MAD1L1: variants seen among roughly 807,000 people sequenced by gnomAD.
MAD1L1 encodes mitotic arrest deficient 1 like 1.
Under a neutral mutation model 96.9 loss-of-function variants are expected in MAD1L1, and 95 were observed. That is an observed-to-expected ratio of 0.98 (90% CI 0.83 to 1.16). MAD1L1 has a LOEUF of 1.16. Ranked by LOEUF, MAD1L1 falls within the 50% of genes most tolerant of loss-of-function variation. The pLI is 0.00. For synonymous variants in MAD1L1, 473 were observed against 396.6 expected, an observed-to-expected ratio of 1.19 and a Z score of -2.29; for missense variants, 1,007 against 954.4, an observed-to-expected ratio of 1.06 and a Z score of -0.73.
intron 15 of MAD1L1, among the ~76,000 whole-genome samples, chr7:1,964,527 G>T (rs1428020465): frequency 6.6e-6 from 1 of 152,224 alleles, no homozygotes; most frequent in Non-Finnish European, 1.5e-5. Flanking sequence ...GAATAAACAA[G>T]TTGGGGGGAT....
intron 17 of MAD1L1, among the ~76,000 whole-genome samples, chr7:1,904,138 G>A (rs142237080): frequency 0.14 from 18,925 of 134,676 alleles, 1,440 homozygotes; most frequent in South Asian, 0.26. Context: ...TCCAGGCAGC[G>A]AGGACGCAGT....
At chr7:1,993,159 C>T (rs1393599251) in intron 14 of MAD1L1, among the ~76,000 whole-genome samples, 2 of 152,216 alleles carry the variant, frequency 1.3e-5, no homozygotes, top group Non-Finnish European at 2.9e-5. Flanking sequence ...TCCTCATCCC[C>T]GCCCCCAACG....
intron 18 of MAD1L1, among the ~76,000 whole-genome samples, chr7:1,844,501 C>G (rs1028630659): frequency 6.6e-6 from 1 of 152,150 alleles, no homozygotes; most frequent in Non-Finnish European, 1.5e-5. Context: ...GAGCTTGACA[C>G]GGAGCCCTGC....
chr7:1,901,977 G>GCC (rs1787273895), intron 17 of MAD1L1, among the ~76,000 whole-genome samples: 2 of 152,222 alleles, frequency 1.3e-5, no homozygotes, highest in African/African-American at 2.4e-5. Flanking sequence ...AGGGACACAG[G>GCC]CCTGGTACTG....
At chr7:2,093,817 G>A (rs1191906237) in intron 11 of MAD1L1, among the ~76,000 whole-genome samples, 8 of 152,210 alleles carry the variant, frequency 5.3e-5, no homozygotes, top group African/African-American at 1.9e-4. Flanking sequence ...GCGGAACCCA[G>A]GAACGCAGAC....
At position 2,088,340 on chromosome 7, in the gene MAD1L1, C is replaced by A. The variant is rs1344745314; in HGVS notation, c.1074-19002G>T. On this transcript the variant is annotated intron_variant, in intron 11 of 18. Coordinates refer to ENST00000265854, the MANE Select transcript of MAD1L1 (RefSeq NM_001013836.2). This position sits in a 1 kb window ranked among gnomAD's most constrained non-coding sequence, Gnocchi z 4.4. Reference sequence around the variant, plus strand: ...TTACCAGCACGGTGGTCTCGTGCTACCCTGGTTCCGTGTCGGCGCCAGCCC... The same window carrying A: ...TTACCAGCACGGTGGTCTCGTGCTAACCTGGTTCCGTGTCGGCGCCAGCCC... Among the ~76,000 whole-genome samples the A allele has an allele frequency of 6.6e-6, 1 of 152,266 alleles. No homozygotes were observed. The highest frequency in any genetic ancestry group is 1.9e-4 in the East Asian group (1 of 5,176).
At position 1,895,851 on chromosome 7, in the gene MAD1L1, A is replaced by AAGGTC. The variant is rs1481907622; in HGVS notation, c.1998+2344_1998+2348dup. 2.6e-5 allele frequency among the ~76,000 whole-genome samples: 4 copies of AAGGTC among 152,360 alleles called. No homozygotes were observed. The East Asian group carries it at 7.7e-4, about 29-fold the overall frequency. ...TGGGCCAGGACAGGCCGTGGTCCAG[A>AAGGTC]AGGTCAGGTCAGGCCAGGCCTGCCA... On this transcript the variant is annotated intron_variant, in intron 18 of 18. Transcript: ENST00000265854.
At chr7:2,068,887 G>A (rs1033625982) in intron 12 of MAD1L1, among the ~76,000 whole-genome samples, 1 of 152,206 alleles carries the variant, frequency 6.6e-6, no homozygotes, top group Non-Finnish European at 1.5e-5. Flanking sequence ...AGGCACGTGG[G>A]AGCCTGCAGG....
chr7:2,170,062 G>A (rs184910693), intron 10 of MAD1L1, among the ~76,000 whole-genome samples: 3 of 152,276 alleles, frequency 2.0e-5, no homozygotes, highest in East Asian at 1.9e-4. Context: ...CCCTCAGGTC[G>A]TCCCTTCCAC....
intron 6 of MAD1L1, among the ~76,000 whole-genome samples, chr7:2,218,613 C>T (rs1022851481): frequency 6.6e-6 from 1 of 152,194 alleles, no homozygotes; most frequent in Non-Finnish European, 1.5e-5. Flanking sequence ...GCTGCCCTTT[C>T]AACCTAGCCC....
chr7:2,004,540 G>C (rs768214521), intron 13 of MAD1L1, among the ~76,000 whole-genome samples: 1 of 152,322 alleles, frequency 6.6e-6, no homozygotes, highest in South Asian at 2.1e-4. Flanking sequence ...AGCTGTGCGC[G>C]AGGCCCGGAC....
intron 18 of MAD1L1, among the ~76,000 whole-genome samples, chr7:1,867,929 G>A (rs1020231321): frequency 6.6e-5 from 10 of 152,212 alleles, no homozygotes; most frequent in Non-Finnish European, 8.8e-5. Flanking sequence ...GTCTGTGCTC[G>A]CTTCTCCCGT....
At chr7:2,006,953 C>T (rs1015835689) in intron 13 of MAD1L1, among the ~76,000 whole-genome samples, 6 of 152,254 alleles carry the variant, frequency 3.9e-5, no homozygotes, top group African/African-American at 1.4e-4. Flanking sequence ...CGAGGGAGGG[C>T]AGGCAGCTCA....
chr7:2,004,859 C>T (rs1355186020), intron 13 of MAD1L1, among the ~76,000 whole-genome samples: 1 of 152,254 alleles, frequency 6.6e-6, no homozygotes, highest in Non-Finnish European at 1.5e-5. Flanking sequence ...CTGGAAAAAA[C>T]AGAACGCATG....
At chr7:1,933,224 G>T (rs1475198586) in intron 17 of MAD1L1, among the ~76,000 whole-genome samples, 1 of 152,190 alleles carries the variant, frequency 6.6e-6, no homozygotes, top group Admixed American at 6.5e-5. Context: ...GGCACTAGGG[G>T]CCCAGGGATA....
chr7:1,949,124 C>A (rs968778025), intron 16 of MAD1L1, among the ~76,000 whole-genome samples: 4 of 151,936 alleles, frequency 2.6e-5, no homozygotes, highest in Admixed American at 2.0e-4. Flanking sequence ...CAGGGTGGCT[C>A]TCCTAGGAGG....
At position 1,898,240 on chromosome 7, in the gene MAD1L1, G is replaced by C. The variant is rs779421821; in HGVS notation, c.1958C>G (p.Ser653Trp). ...GTCGCCTGGGTGCTCGGCGTACAGC[G>C]AGGTCAGCCGGTACTGGTTCTCCGT... ...ITTENQYRLTSLYAEHPGDCL... is the reference protein window; with the variant it reads ...ITTENQYRLTWLYAEHPGDCL... Residue 653 changes from serine (S) to tryptophan (W), a missense_variant, in exon 18 of 19, where the codon TCG becomes TGG. Ser to Trp is a radical substitution (Grantham distance 177, BLOSUM62 -3). Coordinates refer to ENST00000265854, the MANE Select transcript of MAD1L1 (RefSeq NM_001013836.2). 32 of 1,613,844 alleles carry C rather than the reference G, an allele frequency of 2.0e-5. No homozygotes were observed. Among genetic ancestry groups the C allele is most frequent in the Non-Finnish European group, 2.7e-5 (32 of 1,179,956 alleles).
At position 2,212,108 on chromosome 7, in the gene MAD1L1, A is replaced by ACCGCGACTGAAGGGCAGGGGCC. The variant is rs531964386; in HGVS notation, c.986+1082_986+1103dup. On this transcript the variant is annotated intron_variant, in intron 10 of 18. Coordinates refer to ENST00000265854, the MANE Select transcript of MAD1L1 (RefSeq NM_001013836.2). Reference sequence around the variant, plus strand: ...CCAGGAGGTGGTCACCTGCAGGGGCACCGCGACTGAAGGGCAGGGGCCAAC... The same window carrying ACCGCGACTGAAGGGCAGGGGCC: ...CCAGGAGGTGGTCACCTGCAGGGGCACCGCGACTGAAGGGCAGGGGCCCCGCGACTGAAGGGCAGGGGCCAAC... 6.5e-3 allele frequency among the ~76,000 whole-genome samples: 985 copies of ACCGCGACTGAAGGGCAGGGGCC among 152,330 alleles called. 7 individuals are homozygous for ACCGCGACTGAAGGGCAGGGGCC. The highest frequency in any genetic ancestry group is 0.011 in the Admixed American group (172 of 15,302).
intron 10 of MAD1L1, among the ~76,000 whole-genome samples, chr7:2,186,957 C>T (rs985073810): frequency 2.0e-5 from 3 of 151,930 alleles, no homozygotes; most frequent in East Asian, 3.9e-4. Context: ...CCACGCCCGG[C>T]GAATTTTTTA....
Sources: allele counts gnomAD v4.1 joint callset (sites outside exome capture counted in the v4.1 genomes callset), GRCh38; gene constraint gnomAD v4.1.1; non-coding constraint Gnocchi (gnomAD v3.1); transcripts MANE v1.5; gene names NCBI Gene and HGNC (gene_info 2026-07-23, HGNC 2026-07-21).